Variants in TTLL5 observed in about 807,000 individuals in gnomAD.
TTLL5 encodes tubulin polyglutamylase TTLL5.
Under a neutral mutation model 168.4 loss-of-function variants are expected in TTLL5, and 132 were observed. The ratio of observed to expected loss-of-function variants is 0.78; its 90% CI spans 0.68 to 0.91. The LOEUF is 0.91. Among genes scored for constraint, TTLL5 ranks in the 40% least tolerant of loss-of-function variants. The pLI is 0.00. For missense variants in TTLL5, 1,545 were observed against 1,581.5 expected (o/e 0.98, Z 0.39); for synonymous variants, 546 against 558.6 (o/e 0.98, Z 0.32).
At chr14:75,829,325 T>G (rs554025658) in intron 28 of TTLL5, among the ~76,000 whole-genome samples, 1 of 152,320 alleles carries the variant, frequency 6.6e-6, no homozygotes, top group African/African-American at 2.4e-5. Context: ...CTCTTAGTAA[T>G]AGCTCATTAT....
In TTLL5 at chr14:75,954,556, T is replaced by G; in HGVS notation, c.*110T>G. 8.0e-7 allele frequency: 1 copy of G among 1,252,994 alleles called. No homozygotes were observed. 77.6% of individuals were successfully genotyped at this position (1,252,994 alleles called of 1,614,324 possible). A position where few individuals can be genotyped will look rare whatever the true frequency, so the allele number is the denominator to read the frequency against. ...CCATAGTATTTTTTTTTTTGCTGCCTCAAAGTCCCCAAAGCCTTCGAGCAG... is the reference window on the plus strand; with the variant it reads ...CCATAGTATTTTTTTTTTTGCTGCCGCAAAGTCCCCAAAGCCTTCGAGCAG... On this transcript the variant is annotated 3_prime_UTR_variant, in exon 32 of 32. Coordinates refer to ENST00000298832, the MANE Select transcript of TTLL5 (RefSeq NM_015072.5).
At chr14:75,668,876 T>A (rs1045160878) in intron 2 of TTLL5, among the ~76,000 whole-genome samples, 1 of 152,168 alleles carries the variant, frequency 6.6e-6, no homozygotes, top group African/African-American at 2.4e-5. Context: ...ATAAAGAGAA[T>A]ACTTTCACTC....
At chr14:75,785,681 A>T (rs1892325938) in intron 26 of TTLL5, among the ~76,000 whole-genome samples, 1 of 152,220 alleles carries the variant, frequency 6.6e-6, no homozygotes, top group Non-Finnish European at 1.5e-5. Context: ...TTAATTATAA[A>T]TGTAAAAGTT....
chr14:75,746,557 C>CTTTTTT (rs71119389), intron 17 of TTLL5, among the ~76,000 whole-genome samples: 9 of 114,726 alleles, frequency 7.8e-5, no homozygotes, highest in East Asian at 6.9e-4. Context: ...CTTTTCTTTT[C>CTTTTTT]TTTTTTTTTT....
At chr14:75,711,641 G>A (rs1887086283) in intron 9 of TTLL5, 1 of 152,242 alleles carries the variant, frequency 6.6e-6, no homozygotes, top group African/African-American at 2.4e-5. Context: ...TTCCACCCAT[G>A]CGGCGGAGGT....
chr14:75,935,996 C>T (rs980201313), intron 31 of TTLL5, among the ~76,000 whole-genome samples: 2 of 152,134 alleles, frequency 1.3e-5, no homozygotes, highest in Non-Finnish European at 2.9e-5. Context: ...TGGCATATAG[C>T]CCTTAAATTC....
At chr14:75,777,332 T>G (rs1595021279) in intron 23 of TTLL5, among the ~76,000 whole-genome samples, 2 of 152,198 alleles carry the variant, frequency 1.3e-5, no homozygotes, top group South Asian at 4.1e-4. Context: ...GACCTACTCA[T>G]GGAGTAGAAA....
chr14:75,715,097 A>G (rs542226335), intron 9 of TTLL5, among the ~76,000 whole-genome samples: 1 of 151,964 alleles, frequency 6.6e-6, no homozygotes, highest in South Asian at 2.1e-4. Flanking sequence ...TAACATATTT[A>G]TTTATTTGCT....
intron 4 of TTLL5, among the ~76,000 whole-genome samples, chr14:75,682,200 A>C (rs1437398423): frequency 1.3e-5 from 2 of 151,750 alleles, no homozygotes; most frequent in South Asian, 2.1e-4. Flanking sequence ...AAAAAAAAAA[A>C]AAAAAACAAA....
At chr14:75,770,928 T>C (rs1891271265) in intron 20 of TTLL5, among the ~76,000 whole-genome samples, 1 of 152,226 alleles carries the variant, frequency 6.6e-6, no homozygotes, top group Admixed American at 6.5e-5. Flanking sequence ...AGTCCCTTTA[T>C]AGGATTTATC....
rs141457618 is a variant in TTLL5, at chr14:75,951,438, T to C, written c.3824-2986T>C. Among the ~76,000 whole-genome samples, 928 of 152,224 alleles carry C rather than the reference T, an allele frequency of 6.1e-3. 14 individuals carry two copies. The highest frequency in any genetic ancestry group is 0.021 in the African/African-American group (882 of 41,528). On this transcript the variant is annotated intron_variant, in intron 31 of 31. Transcript: ENST00000298832. ...TAATTTTTATCCTGAATAGCACTTATCTTAATAAATTACAAAACAATCTCT... is the reference window on the plus strand; with the variant it reads ...TAATTTTTATCCTGAATAGCACTTACCTTAATAAATTACAAAACAATCTCT...
intron 30 of TTLL5, among the ~76,000 whole-genome samples, chr14:75,885,622 T>A (rs747462480): frequency 2.0e-5 from 3 of 152,266 alleles, no homozygotes; most frequent in Non-Finnish European, 4.4e-5. Flanking sequence ...ATACTTTATT[T>A]GGACTGATGA....
chr14:75,855,854 C>T (rs1337027187), intron 28 of TTLL5, among the ~76,000 whole-genome samples: 1 of 152,156 alleles, frequency 6.6e-6, no homozygotes, highest in East Asian at 1.9e-4. Context: ...AATCCAGTCT[C>T]TACAACATAT....
intron 6 of TTLL5, among the ~76,000 whole-genome samples, chr14:75,693,919 G>T (rs1335557053): frequency 1.3e-5 from 2 of 152,154 alleles, no homozygotes; most frequent in African/African-American, 4.8e-5. Flanking sequence ...AGTAAATCAG[G>T]CTAAATTTTA....
intron 5 of TTLL5, among the ~76,000 whole-genome samples, chr14:75,685,468 A>G (rs111404442): frequency 6.6e-6 from 1 of 151,988 alleles, no homozygotes; most frequent in Admixed American, 6.6e-5. Flanking sequence ...TAAATTTATG[A>G]TGAAAAATCT....
chr14:75,687,289 G>A (rs992521241), intron 5 of TTLL5, among the ~76,000 whole-genome samples: 6 of 151,472 alleles, frequency 4.0e-5, no homozygotes, highest in East Asian at 1.9e-4. Flanking sequence ...TGGTTTTTTT[G>A]TGGGGGGACA....
intron 18 of TTLL5, among the ~76,000 whole-genome samples, chr14:75,758,111 TGA>T (rs1317238368): frequency 1.3e-5 from 2 of 152,288 alleles, no homozygotes; most frequent in African/African-American, 4.8e-5. Flanking sequence ...TTTAGCTGTG[TGA>T]GAGAGAGTAT....
intron 15 of TTLL5, among the ~76,000 whole-genome samples, chr14:75,739,210 G>A (rs1889095745): frequency 6.6e-6 from 1 of 152,002 alleles, no homozygotes; most frequent in Admixed American, 6.6e-5. Context: ...GCTTGTTGGA[G>A]AGCAAGACCT....
At chr14:75,741,960 A>G (rs1232703411) in intron 15 of TTLL5, among the ~76,000 whole-genome samples, 1 of 152,194 alleles carries the variant, frequency 6.6e-6, no homozygotes, top group African/African-American at 2.4e-5. Flanking sequence ...CCACATCATT[A>G]TCTCAATTTC....
Sources: gnomAD v4.1 joint callset for allele counts (sites outside exome capture counted in the v4.1 genomes callset) on GRCh38, gnomAD v4.1.1 for gene constraint, MANE v1.5 for transcripts, NCBI Gene and HGNC (gene_info 2026-07-23, HGNC 2026-07-21) for gene names.